The following CDH7 variants were observed in gnomAD, a reference collection of about 807,000 sequenced individuals.
CDH7 encodes the protein cadherin-7.
A neutral mutation model predicts 71.8 loss-of-function variants in CDH7; 25 were observed. The observed-to-expected ratio is 0.35, with a 90% CI of 0.25 to 0.49. The LOEUF is 0.49. Among genes scored for constraint, CDH7 ranks in the 20% least tolerant of loss-of-function variants. The pLI is 0.99. For synonymous variants in CDH7, 381 were observed against 363.8 expected, an observed-to-expected ratio of 1.05 and a Z score of -0.54; for missense variants, 862 against 974.6, an observed-to-expected ratio of 0.88 and a Z score of 1.54.
chr18:65,778,011 G>A (rs1459022797), intron 2 of CDH7, among the ~76,000 whole-genome samples: 1 of 152,004 alleles, frequency 6.6e-6, no homozygotes, highest in East Asian at 1.9e-4. Flanking sequence ...GGTGGCTCAC[G>A]CCTATAATCC....
intron 2 of CDH7, among the ~76,000 whole-genome samples, chr18:65,776,377 C>T (rs980403941): frequency 4.7e-5 from 7 of 149,574 alleles, no homozygotes; most frequent in Middle Eastern, 3.4e-3. Flanking sequence ...CACACACACA[C>T]ACACACACAC....
At position 65,844,083 on chromosome 18, in the gene CDH7, T is replaced by C; in HGVS notation, c.1235+18T>C. On this transcript the variant is annotated intron_variant, in intron 7 of 11. Transcript: ENST00000397968. ...CCTGTGAGGTAAAAACTCATTGTTG[T>C]CCTTTTCTATGGTTTTACAAACAAT... 6.2e-7 allele frequency: 1 copy of C among 1,608,090 alleles called. No individual in the cohort carries two copies. The highest frequency in any genetic ancestry group is 1.3e-5 in the African/African-American group (1 of 74,150).
chr18:65,767,907 C>CA (rs1916425009), intron 2 of CDH7, among the ~76,000 whole-genome samples: 1 of 152,110 alleles, frequency 6.6e-6, no homozygotes, highest in Admixed American at 6.5e-5. Flanking sequence ...AGAAACCCAC[C>CA]ATTTATTCGG....
intron 2 of CDH7, among the ~76,000 whole-genome samples, chr18:65,809,076 A>G (rs11659738): frequency 0.61 from 93,470 of 151,988 alleles, 30,075 homozygotes; most frequent in East Asian, 0.97. Flanking sequence ...TTGAAGTCCC[A>G]TGCATGTATT....
chr18:65,873,197 G>C (rs761833851), intron 11 of CDH7, among the ~76,000 whole-genome samples: 7 of 151,976 alleles, frequency 4.6e-5, no homozygotes, highest in Admixed American at 1.3e-4. Context: ...TTTTTATTTT[G>C]ATTAGATTAT....
At chr18:65,864,922 A>G (rs1322174583) in intron 11 of CDH7, among the ~76,000 whole-genome samples, 3 of 149,388 alleles carry the variant, frequency 2.0e-5, no homozygotes, top group East Asian at 2.0e-4. Context: ...AAATCCATTC[A>G]TGTTTAGAAT....
rs2144083518 is a variant in CDH7, at chr18:65,885,716, G to A, written c.*4822G>A. The A allele has an allele frequency of 6.6e-6, 1 of 152,206 alleles. No individual in the cohort carries two copies. The highest frequency in any genetic ancestry group is 2.1e-4 in the South Asian group (1 of 4,822). The allele number at this position is 152,206 out of a possible 1,614,324, so 9.4% of individuals were successfully genotyped here. ...ATTGGGAACCTTGAGAGATGTATCT[G>A]AAGTAATGTAAAAATAAGAGTCTCA... On this transcript the variant is annotated 3_prime_UTR_variant, in exon 12 of 12. Coordinates refer to ENST00000397968, the MANE Select transcript of CDH7 (RefSeq NM_004361.5).
chr18:65,862,949 G>A (rs1473749811), intron 11 of CDH7, 32 bp downstream of exon 11: 1 of 1,605,698 alleles, frequency 6.2e-7, no homozygotes, highest in Non-Finnish European at 8.5e-7. Context: ...TGCTCTGAAA[G>A]AGCTGTCACA....
Position 65,859,795 on chromosome 18 carries a change from A to G in CDH7, c.1582A>G (p.Asn528Asp). The change falls in exon 10 of 12, where the codon AAC becomes GAC. Residue 528 changes from asparagine to aspartate, a missense_variant. Transcript: ENST00000397968. ...CAGCTTAACAACGGATGCAACAAAT[A>G]ACCACAACTTTTCATTGAAAGATAA... ...YFSLTTDATN[N>D]HNFSLKDNKD... 6.2e-7 allele frequency: 1 copy of G among 1,605,276 alleles called. No individual in the cohort carries two copies. Among genetic ancestry groups the G allele is most frequent in the Non-Finnish European group, 8.5e-7 (1 of 1,172,052 alleles).
Position 65,880,594 on chromosome 18 carries a change from G to A in CDH7, c.2058G>A (p.Val686=). 1.2e-6 allele frequency: 2 copies of A among 1,613,860 alleles called. No homozygotes were observed. The highest frequency in any genetic ancestry group is 1.7e-6 in the Non-Finnish European group (2 of 1,179,960). ...VIRDTKTRRD[V]TPEIQFLSRP... is the part of the protein sequence containing the mutation. ...GAGACACCAAGACCCGGAGGGATGT[G>A]ACTCCAGAAATTCAATTCCTGAGTC... Residue 686 remains valine, a synonymous_variant, in exon 12 of 12, where the codon GTG becomes GTA. Coordinates refer to ENST00000397968, the MANE Select transcript of CDH7 (RefSeq NM_004361.5).
At chr18:65,809,217 G>A (rs969936536) in intron 2 of CDH7, among the ~76,000 whole-genome samples, 3 of 152,182 alleles carry the variant, frequency 2.0e-5, no homozygotes, top group African/African-American at 7.2e-5. Flanking sequence ...GAGTGTGAGT[G>A]GGGACAGGGC....
chr18:65,859,252 G>A (rs149210579), intron 9 of CDH7, among the ~76,000 whole-genome samples: 1 of 152,272 alleles, frequency 6.6e-6, no homozygotes, highest in African/African-American at 2.4e-5. Flanking sequence ...TCCTCAGGAA[G>A]GAAAGGTAAA....
At chr18:65,837,570 T>C (rs921861275) in intron 6 of CDH7, among the ~76,000 whole-genome samples, 1 of 152,110 alleles carries the variant, frequency 6.6e-6, no homozygotes, top group African/African-American at 2.4e-5. Context: ...TCCTTGGTAA[T>C]AAAAGTGTCA....
At chr18:65,813,895 A>AT (rs1911631395) in intron 3 of CDH7, among the ~76,000 whole-genome samples, 2 of 152,198 alleles carry the variant, frequency 1.3e-5, no homozygotes, top group Non-Finnish European at 2.9e-5. Flanking sequence ...TTTGGTTTAA[A>AT]TTTTCATTTC....
chr18:65,771,530 G>A (rs1002611125), intron 2 of CDH7, among the ~76,000 whole-genome samples: 13 of 151,458 alleles, frequency 8.6e-5, no homozygotes, highest in African/African-American at 3.1e-4. Flanking sequence ...AAAATTAGCC[G>A]GACGTCATTG....
chr18:65,879,234 T>G (rs1185278993), intron 11 of CDH7, among the ~76,000 whole-genome samples: 1 of 152,132 alleles, frequency 6.6e-6, no homozygotes, highest in Non-Finnish European at 1.5e-5. Context: ...TCAAAAGTGT[T>G]CCTAATGCCA....
chr18:65,809,864 C>A lies in CDH7; in HGVS notation c.371C>A (p.Ala124Glu). 1.2e-6 allele frequency: 2 copies of A among 1,613,874 alleles called. No homozygotes were observed. Among genetic ancestry groups the A allele is most frequent in the Non-Finnish European group, 1.7e-6 (2 of 1,179,980 alleles). ...GCCTACTACACGCTCCGAGCTCAAGCGCTGGATAGGCTCACCAACAAACCC... is the reference window on the plus strand; with the variant it reads ...GCCTACTACACGCTCCGAGCTCAAGAGCTGGATAGGCTCACCAACAAACCC... ...EQAYYTLRAQ[A>E]LDRLTNKPVE... The change falls in exon 3 of 12, where the codon GCG (alanine) becomes GAG (glutamate). Residue 124 changes from alanine to glutamate, a missense_variant. Physicochemically the swap from Ala to Glu is moderately radical, Grantham distance 107 (BLOSUM62 -1). Transcript: ENST00000397968.
intron 2 of CDH7, among the ~76,000 whole-genome samples, chr18:65,767,097 T>C (rs1033669894): frequency 2.7e-5 from 4 of 150,674 alleles, no homozygotes; most frequent in Non-Finnish European, 5.9e-5. Context: ...TTCTTTCTTT[T>C]TTTTTTTTTT....
intron 4 of CDH7, among the ~76,000 whole-genome samples, chr18:65,816,840 C>G (rs1383252191): frequency 6.6e-6 from 1 of 152,154 alleles, no homozygotes. Context: ...TTCTCACCAC[C>G]TAATTTCATA....
Sources: allele counts gnomAD v4.1 joint callset (sites outside exome capture counted in the v4.1 genomes callset), GRCh38; gene constraint gnomAD v4.1.1; transcripts MANE v1.5; gene names NCBI Gene and HGNC (gene_info 2026-07-23, HGNC 2026-07-21).